The following ADAM22 variants were observed in gnomAD, a reference collection of about 807,000 sequenced individuals.
ADAM22 encodes ADAM metallopeptidase domain 22, also known as disintegrin and metalloproteinase domain-containing protein 22.
In ADAM22, 65 loss-of-function variants were observed where a neutral mutation model predicts 144.6. The observed-to-expected ratio is 0.45, with a 90% CI of 0.37 to 0.55. The LOEUF (loss-of-function observed/expected upper bound fraction) is 0.55, where lower values mean the gene tolerates loss of function less well. ADAM22 is among the 20% of genes least tolerant of loss of function. The probability of loss-of-function intolerance (pLI) is 0.00; values close to 1 mark genes in which losing one functional copy is unlikely to be tolerated. For synonymous variants in ADAM22, 391 were observed against 412.6 expected, an observed-to-expected ratio of 0.95 and a Z score of 0.63; for missense variants, 974 against 1,184.9, an observed-to-expected ratio of 0.82 and a Z score of 2.61.
intron 2 of ADAM22, among the ~76,000 whole-genome samples, chr7:87,961,754 G>T (rs1216845821): frequency 1.3e-5 from 2 of 152,068 alleles, no homozygotes; most frequent in Non-Finnish European, 2.9e-5. Flanking sequence ...TTTCACAAAT[G>T]GGAGAAATAG....
At chr7:87,956,815 A>G (rs1031136316) in intron 2 of ADAM22, among the ~76,000 whole-genome samples, 1 of 152,168 alleles carries the variant, frequency 6.6e-6, no homozygotes, top group Non-Finnish European at 1.5e-5. Flanking sequence ...CAATCCATTC[A>G]TTTTGATGGA....
At chr7:88,141,801 CT>C (rs1044067483) in intron 14 of ADAM22, among the ~76,000 whole-genome samples, 13 of 152,000 alleles carry the variant, frequency 8.6e-5, no homozygotes, top group African/African-American at 3.1e-4. Flanking sequence ...ACAGTTCTTA[CT>C]GTTGAACATT....
At chr7:88,021,645 A>G (rs1797854339) in intron 3 of ADAM22, among the ~76,000 whole-genome samples, 1 of 152,184 alleles carries the variant, frequency 6.6e-6, no homozygotes, top group Non-Finnish European at 1.5e-5. Flanking sequence ...TGGACTTTTC[A>G]GTGGTTCTAA....
intron 22 of ADAM22, among the ~76,000 whole-genome samples, chr7:88,162,197 G>GC (rs1841886246): frequency 6.6e-6 from 1 of 151,822 alleles, no homozygotes; most frequent in Non-Finnish European, 1.5e-5. Flanking sequence ...CATGGATGGA[G>GC]CTGGAGGCCG....
chr7:87,943,085 A>AAAAAT (rs1842787239), intron 2 of ADAM22, among the ~76,000 whole-genome samples: 1 of 150,846 alleles, frequency 6.6e-6, no homozygotes, highest in African/African-American at 2.4e-5. Context: ...GAAATAGTTG[A>AAAAAT]AAAAATAAGG....
At chr7:88,190,432 G>C (rs1223947749) in intron 30 of ADAM22, among the ~76,000 whole-genome samples, 1 of 152,108 alleles carries the variant, frequency 6.6e-6, no homozygotes, top group Non-Finnish European at 1.5e-5. Context: ...CTACTCGGGA[G>C]GCTGAGGCAG....
chr7:87,945,434 G>A (rs1843456001), intron 2 of ADAM22, among the ~76,000 whole-genome samples: 1 of 151,958 alleles, frequency 6.6e-6, no homozygotes, highest in African/African-American at 2.4e-5. Flanking sequence ...GTTTAATAAG[G>A]ATAGGATTTT....
chr7:88,150,049 C>G (rs984752162), intron 18 of ADAM22, among the ~76,000 whole-genome samples: 2 of 152,170 alleles, frequency 1.3e-5, no homozygotes, highest in Non-Finnish European at 2.9e-5. Flanking sequence ...TGTGAAGTTT[C>G]TTGCTGGCGT....
chr7:88,091,075 A>G (rs762345072), intron 4 of ADAM22, among the ~76,000 whole-genome samples: 2 of 152,160 alleles, frequency 1.3e-5, no homozygotes, highest in Non-Finnish European at 2.9e-5. Flanking sequence ...AGCTTCATTG[A>G]TTAATAATTA....
intron 3 of ADAM22, among the ~76,000 whole-genome samples, chr7:88,051,559 G>A (rs1585267616): frequency 6.6e-6 from 1 of 152,078 alleles, no homozygotes; most frequent in Non-Finnish European, 1.5e-5. Flanking sequence ...TGTGGGGTGG[G>A]GGGAGGAGGG....
At chr7:88,129,983 T>A (rs12537052) in intron 9 of ADAM22, among the ~76,000 whole-genome samples, 10,978 of 152,184 alleles carry the variant, frequency 0.072, 493 homozygotes, top group Admixed American at 0.11. Context: ...TTAAATTTGT[T>A]TGCTTTTAGC....
chr7:87,967,514 T>TA (rs949170760), intron 2 of ADAM22, among the ~76,000 whole-genome samples: 2 of 151,830 alleles, frequency 1.3e-5, no homozygotes, highest in Admixed American at 1.3e-4. Context: ...ATGCCTCATT[T>TA]AAAAAAACAG....
At chr7:88,023,401 C>G (rs1798256008) in intron 3 of ADAM22, among the ~76,000 whole-genome samples, 1 of 152,124 alleles carries the variant, frequency 6.6e-6, no homozygotes, top group South Asian at 2.1e-4. Flanking sequence ...CTTTGTGTTA[C>G]AAACAATCCA....
At chr7:88,058,839 T>C (rs1244327157) in intron 3 of ADAM22, among the ~76,000 whole-genome samples, 13 of 152,170 alleles carry the variant, frequency 8.5e-5, no homozygotes, top group Non-Finnish European at 1.8e-4. Flanking sequence ...ATAGAACATA[T>C]ACTGTGTTGC....
chr7:88,001,393 T>G (rs971843671), intron 3 of ADAM22, among the ~76,000 whole-genome samples: 2 of 152,198 alleles, frequency 1.3e-5, no homozygotes, highest in African/African-American at 4.8e-5. Context: ...AATTTTACAC[T>G]TGTAGTATCA....
intron 2 of ADAM22, among the ~76,000 whole-genome samples, chr7:87,944,463 T>G (rs572704783): frequency 6.6e-5 from 10 of 152,306 alleles, no homozygotes; most frequent in East Asian, 3.9e-4. Flanking sequence ...CCTGTTAGTG[T>G]TCTGTTGAGG....
chr7:88,171,104 A>G (rs1434071743), intron 25 of ADAM22, among the ~76,000 whole-genome samples: 1 of 151,918 alleles, frequency 6.6e-6, no homozygotes. Flanking sequence ...ATTCTTAGGA[A>G]TAACTATAGT....
At chr7:87,956,279 C>T (rs139771588) in intron 2 of ADAM22, among the ~76,000 whole-genome samples, 1 of 152,148 alleles carries the variant, frequency 6.6e-6, no homozygotes, top group Non-Finnish European at 1.5e-5. Context: ...GGCTCCTCCT[C>T]TGAAAGTAGC....
At chr7:87,989,695 C>G (rs544058267) in intron 3 of ADAM22, among the ~76,000 whole-genome samples, 2 of 152,308 alleles carry the variant, frequency 1.3e-5, no homozygotes, top group South Asian at 2.1e-4. Flanking sequence ...GCGGCCAGAT[C>G]GCTTGAGGCC....
Sources: allele counts gnomAD v4.1 joint callset (sites outside exome capture counted in the v4.1 genomes callset), GRCh38; gene constraint gnomAD v4.1.1; transcripts MANE v1.5; gene names NCBI Gene and HGNC (gene_info 2026-07-23, HGNC 2026-07-21).